PLCB4: variants seen among roughly 807,000 people sequenced by gnomAD.
The protein encoded by PLCB4 is phospholipase C beta 4, also known as 1-phosphatidylinositol 4,5-bisphosphate phosphodiesterase beta-4.
PLCB4 carries 77 observed loss-of-function variants against 178.8 expected under a neutral mutation model. The observed-to-expected ratio is 0.43, with a 90% confidence interval of 0.36 to 0.52. PLCB4 has a LOEUF of 0.52. Ranked by LOEUF, PLCB4 falls within the 20% of genes least tolerant of loss-of-function variation. The pLI, the probability that PLCB4 is intolerant of heterozygous loss-of-function variation, is 0.00. For missense variants in PLCB4, 1,024 were observed against 1,453.4 expected (o/e 0.70, Z 4.80); for synonymous variants, 496 against 490.8 (o/e 1.01, Z -0.14).
At chr20:9,320,287 T>A (rs957277821) in intron 4 of PLCB4, among the ~76,000 whole-genome samples, 3 of 152,192 alleles carry the variant, frequency 2.0e-5, no homozygotes, top group Admixed American at 2.0e-4. Context: ...GACATTGCCG[T>A]GGCATTTGTA....
At chr20:9,337,690 A>G (rs2032645837) in intron 5 of PLCB4, among the ~76,000 whole-genome samples, 1 of 152,206 alleles carries the variant, frequency 6.6e-6, no homozygotes, top group Non-Finnish European at 1.5e-5. Context: ...CTCACATTTC[A>G]TGTACACACA....
chr20:9,178,336 T>C (rs1303289159), intron 2 of PLCB4, among the ~76,000 whole-genome samples: 1 of 151,924 alleles, frequency 6.6e-6, no homozygotes, highest in Non-Finnish European at 1.5e-5. Context: ...AATAAATAAA[T>C]AAATAAATAA....
At chr20:9,174,303 AT>A (rs1054652337) in intron 2 of PLCB4, among the ~76,000 whole-genome samples, 16 of 149,662 alleles carry the variant, frequency 1.1e-4, no homozygotes, top group South Asian at 2.1e-4. Flanking sequence ...TGCCTAGCTA[AT>A]TTTTTTTTTA....
chr20:9,438,222 C>T (rs1160845518), intron 30 of PLCB4, among the ~76,000 whole-genome samples: 2 of 152,026 alleles, frequency 1.3e-5, no homozygotes, highest in African/African-American at 4.8e-5. Flanking sequence ...AAAAATTAGC[C>T]AGGCATGGTG....
rs764736895 is a variant in PLCB4 at position 9,384,358 on chromosome 20, C to T, written c.1011C>T (p.Phe337=). ...ACACTTATCTCACTGGCAGACAGTT[C>T]GGCGGGAAGTCTTCGGTAGAAATGT... ...SHNTYLTGRQ[F]GGKSSVEMYR... Residue 337 remains phenylalanine (F), a synonymous_variant, in exon 14 of 40, where the codon TTC becomes TTT. Coordinates refer to ENST00000378473, the MANE Select transcript of PLCB4 (RefSeq NM_001377142.1). 1.8e-5 allele frequency: 29 copies of T among 1,614,066 alleles called. No homozygotes were observed. Among genetic ancestry groups the T allele is most frequent in the Middle Eastern group, 3.3e-4 (2 of 6,084 alleles).
At position 9,119,535 on chromosome 20, in the gene PLCB4, A is replaced by C. The variant is rs2091892375; in HGVS notation, c.-79+23193A>C. Among the ~76,000 whole-genome samples the C allele has an allele frequency of 2.0e-5, 3 of 152,068 alleles. No homozygotes were observed. The South Asian group carries it at 6.2e-4, about 32-fold the overall frequency. ...AGAAAGGAGAAAAAAAAAAAAAACA[A>C]AGTAGTCACTCCATAGCAATTTTAC... On this transcript the variant is annotated intron_variant, in intron 2 of 39. Transcript: ENST00000378473.
At chr20:9,314,516 A>T (rs1239979323) in intron 4 of PLCB4, among the ~76,000 whole-genome samples, 1 of 152,180 alleles carries the variant, frequency 6.6e-6, no homozygotes, top group African/African-American at 2.4e-5. Context: ...GCTCTGATGC[A>T]AGGTGGAGAG....
Position 9,118,535 on chromosome 20 carries a change from T to A in PLCB4, c.-79+22193T>A, listed in dbSNP as rs542219857. On this transcript the variant is annotated intron_variant, in intron 2 of 39. Transcript: ENST00000378473. ...ATCAAGACATTTTACATTCTTTTTT[T>A]AATTAAGTCTTCAAGATCTGGTGTG... 1.2e-3 allele frequency among the ~76,000 whole-genome samples: 184 copies of A among 152,274 alleles called. 1 individual carries two copies. Among genetic ancestry groups the A allele is most frequent in the Non-Finnish European group, 2.1e-3 (142 of 68,020 alleles).
chr20:9,300,260 A>G lies in PLCB4; in HGVS notation c.-15-7540A>G, dbSNP rs549531850. 6.6e-5 allele frequency among the ~76,000 whole-genome samples: 10 copies of G among 152,254 alleles called. No individual in the cohort carries two copies. The South Asian group carries it at 2.1e-3, about 32-fold the overall frequency. On this transcript the variant is annotated intron_variant, in intron 3 of 39. Coordinates refer to ENST00000378473, the MANE Select transcript of PLCB4 (RefSeq NM_001377142.1). ...GGAAAACAACTTTGGTTGTGCCATC[A>G]TGAGGTCACTTAAGGTCATGGGTTA... is the stretch of plus-strand genomic sequence containing the variant.
At chr20:9,158,776 T>C (rs1046064708) in intron 2 of PLCB4, among the ~76,000 whole-genome samples, 3 of 152,184 alleles carry the variant, frequency 2.0e-5, no homozygotes, top group African/African-American at 4.8e-5. Context: ...CCTTTCTTTA[T>C]TGAGACAGAG....
chr20:9,453,643 A>G (rs1452999997), intron 33 of PLCB4, among the ~76,000 whole-genome samples, 181 bp downstream of exon 33: 1 of 152,194 alleles, frequency 6.6e-6, no homozygotes, highest in African/African-American at 2.4e-5. Context: ...ATAACAGGTC[A>G]ATGAGTGGAT....
At chr20:9,454,211 C>G (rs1288793801) in intron 33 of PLCB4, among the ~76,000 whole-genome samples, 8 of 152,170 alleles carry the variant, frequency 5.3e-5, no homozygotes, top group Non-Finnish European at 7.3e-5. Flanking sequence ...ACCATGGAAA[C>G]AATGCTGCTT....
intron 36 of PLCB4, 49 bp downstream of exon 36, chr20:9,468,721 A>G (rs942714581): frequency 1.1e-5 from 12 of 1,056,570 alleles, no homozygotes; most frequent in Non-Finnish European, 1.6e-5. Context: ...ACTTGAGGAC[A>G]CAGTCTCAAC....
At chr20:9,179,989 C>T (rs570585910) in intron 2 of PLCB4, among the ~76,000 whole-genome samples, 1 of 152,296 alleles carries the variant, frequency 6.6e-6, no homozygotes, top group Admixed American at 6.5e-5. Context: ...TTGGTAAAAA[C>T]ACACATAGAA....
intron 2 of PLCB4, among the ~76,000 whole-genome samples, chr20:9,135,839 G>A (rs1003535879): frequency 1.3e-5 from 2 of 152,062 alleles, no homozygotes; most frequent in Non-Finnish European, 2.9e-5. Context: ...GGAGTTGTGC[G>A]TAAGTCCTAG....
intron 27 of PLCB4, among the ~76,000 whole-genome samples, chr20:9,422,680 A>C (rs2040725056): frequency 6.6e-6 from 1 of 152,216 alleles, no homozygotes; most frequent in African/African-American, 2.4e-5. Flanking sequence ...TCTGTTCTTC[A>C]GAAGTTAAAT....
intron 2 of PLCB4, among the ~76,000 whole-genome samples, chr20:9,150,458 T>TG (rs1288573011): frequency 7.9e-5 from 12 of 152,174 alleles, no homozygotes; most frequent in African/African-American, 2.4e-4. Flanking sequence ...TTTAATGTGG[T>TG]GTCTTTAAAT....
In PLCB4 at chr20:9,105,909, C is replaced by G. The variant is rs2091345411; in HGVS notation, c.-79+9567C>G. On this transcript the variant is annotated intron_variant, in intron 2 of 39. Coordinates refer to ENST00000378473, the MANE Select transcript of PLCB4 (RefSeq NM_001377142.1). ...TTATGTGTATGTGGGGAAGTCATCTCTAACTAGAAACCATGAAGGAAAGGA... is the reference window on the plus strand; with the variant it reads ...TTATGTGTATGTGGGGAAGTCATCTGTAACTAGAAACCATGAAGGAAAGGA... Among the ~76,000 whole-genome samples the G allele has an allele frequency of 1.3e-5, 2 of 151,976 alleles. 1 individual carries two copies. Among genetic ancestry groups the G allele is most frequent in the South Asian group, 4.2e-4 (2 of 4,816 alleles).
intron 14 of PLCB4, 94 bp from the exon 15 acceptor site, chr20:9,387,369 G>A (rs2148394596): frequency 3.1e-6 from 2 of 650,432 alleles, no homozygotes; most frequent in Middle Eastern, 4.2e-4. Context: ...TTCTGTTCTG[G>A]AAGAAAACAA....
Sources: allele counts gnomAD v4.1 joint callset (sites outside exome capture counted in the v4.1 genomes callset), GRCh38; gene constraint gnomAD v4.1.1; transcripts MANE v1.5; gene names NCBI Gene and HGNC (gene_info 2026-07-23, HGNC 2026-07-21).